Variants in FAM186A observed in about 807,000 individuals in gnomAD.
FAM186A encodes protein FAM186A.
Under a neutral mutation model 216.8 loss-of-function variants are expected in FAM186A, and 163 were observed. The ratio of observed to expected loss-of-function variants is 0.75; its 90% CI spans 0.66 to 0.86. The LOEUF (loss-of-function observed/expected upper bound fraction) is 0.86, where lower values mean the gene tolerates loss of function less well. Ranked by LOEUF, FAM186A falls within the 40% of genes least tolerant of loss-of-function variation. The pLI is 0.00. For synonymous variants in FAM186A, 805 were observed against 1,025.3 expected (o/e 0.79, Z 4.10); for missense variants, 2,184 against 2,746.2 (o/e 0.80, Z 4.58).
Position 50,351,727 on chromosome 12 carries a change from G to T in FAM186A, c.5105C>A (p.Pro1702His). ...CCACTGGACTTGCTTAAGGGTGAGGGGCGATCCCAAGGTATGGGCTTTATC... is the reference window on the plus strand; with the variant it reads ...CCACTGGACTTGCTTAAGGGTGAGGTGCGATCCCAAGGTATGGGCTTTATC... ...TLDKAHTLGS[P>H]LTLKQVQWSH... The change falls in exon 4 of 8, where the codon CCC (proline) becomes CAC (histidine). Residue 1702 changes from proline (P) to histidine (H), a missense_variant. Coordinates refer to ENST00000327337, the MANE Select transcript of FAM186A (RefSeq NM_001145475.3). 1 of 1,551,484 alleles carries T rather than the reference G, an allele frequency of 6.4e-7. No individual in the cohort carries two copies. Among genetic ancestry groups the T allele is most frequent in the South Asian group, 1.2e-5 (1 of 84,062 alleles).
chr12:50,346,723 T>C (rs1030870234), intron 4 of FAM186A, among the ~76,000 whole-genome samples: 1 of 151,958 alleles, frequency 6.6e-6, no homozygotes, highest in Admixed American at 6.6e-5. Flanking sequence ...GGTGGGCGCC[T>C]GTAGTCCCAG....
At position 50,333,952 on chromosome 12, in the gene FAM186A, GTT is replaced by G. The variant is rs1942681143; in HGVS notation, c.6653_6654del (p.Lys2218ThrfsTer20). The part of the protein sequence containing the change: ...WTEKQKSLGQ[K>X]RNQCLKKMIH... ...ATCATTTTCTTCAGGCACTGATTCC[GTT>G]TCTGCCCTAGAGACTTCTGCTTCTC... is the stretch of plus-strand genomic sequence containing the variant. On this transcript the variant is annotated frameshift_variant, in exon 5 of 8. Transcript: ENST00000327337. LOFTEE classifies it high-confidence loss of function. The G allele has an allele frequency of 3.2e-6, 5 of 1,551,282 alleles. No homozygotes were observed. The highest frequency in any genetic ancestry group is 4.4e-6 in the Non-Finnish European group (5 of 1,146,940).
chr12:50,372,782 A>C (rs1002336153), intron 1 of FAM186A, among the ~76,000 whole-genome samples: 1 of 150,702 alleles, frequency 6.6e-6, no homozygotes, highest in African/African-American at 2.4e-5. Flanking sequence ...GGTGACTGTA[A>C]TCCCAGGTAC....
At chr12:50,358,650 C>G (rs748267571) in intron 3 of FAM186A, among the ~76,000 whole-genome samples, 2 of 151,130 alleles carry the variant, frequency 1.3e-5, no homozygotes, top group East Asian at 2.0e-4. Context: ...CTCGGCCAGG[C>G]GCAGTGGCTC....
chr12:50,329,768 G>T (rs1033456737), intron 7 of FAM186A, among the ~76,000 whole-genome samples: 1 of 151,898 alleles, frequency 6.6e-6, no homozygotes, highest in Non-Finnish European at 1.5e-5. Flanking sequence ...AGCTAATGTT[G>T]TATTTTTAGT....
intron 1 of FAM186A, among the ~76,000 whole-genome samples, chr12:50,378,088 G>GAT (rs1466459903): frequency 1.3e-5 from 2 of 151,908 alleles, no homozygotes; most frequent in African/African-American, 2.4e-5. Flanking sequence ...AGCCGGCGTG[G>GAT]TGGCCACATG....
chr12:50,385,131 A>G (rs993261375), intron 1 of FAM186A, among the ~76,000 whole-genome samples: 4 of 149,446 alleles, frequency 2.7e-5, no homozygotes, highest in African/African-American at 9.8e-5. Flanking sequence ...ATAAAATGTG[A>G]AATTATGGCC....
At chr12:50,361,019 G>A in intron 2 of FAM186A, 93 bp from the exon 3 acceptor site, 3 of 885,158 alleles carry the variant, frequency 3.4e-6, no homozygotes, top group East Asian at 2.8e-5. Context: ...ACTCAATACA[G>A]TAATATTGGG....
At position 50,396,379 on chromosome 12, in the gene FAM186A, A is replaced by G. The variant is rs560883723; in HGVS notation, c.106T>C (p.Leu36=). The G allele has an allele frequency of 4.5e-6, 7 of 1,551,676 alleles. No homozygotes were observed. The highest frequency in any genetic ancestry group is 2.4e-5 in the East Asian group (1 of 40,918). ...RREPQNILSP[L]MLPNLEIPFS... is the part of the protein sequence containing the mutation. Reference sequence around the variant, plus strand: ...GGGATCTCAAGGTTAGGGAGCATCAAAGGACTAAGGATATTTTGGGGCTCT... The same window carrying G: ...GGGATCTCAAGGTTAGGGAGCATCAGAGGACTAAGGATATTTTGGGGCTCT... Residue 36 remains leucine (L), a synonymous_variant, in exon 1 of 8, where the codon TTG becomes CTG. Transcript: ENST00000327337.
intron 4 of FAM186A, among the ~76,000 whole-genome samples, chr12:50,343,901 G>C (rs1047993201): frequency 7.4e-5 from 11 of 149,504 alleles, no homozygotes; most frequent in Non-Finnish European, 1.3e-4. Flanking sequence ...TTATAGGTGT[G>C]AGCCACCACA....
chr12:50,333,732 C>G (rs1486413747), intron 5 of FAM186A, among the ~76,000 whole-genome samples, 179 bp downstream of exon 5: 1 of 152,056 alleles, frequency 6.6e-6, no homozygotes, highest in Admixed American at 6.6e-5. Flanking sequence ...TAACTTCTGG[C>G]CTCTAGAACT....
At chr12:50,344,674 C>T (rs1483771140) in intron 4 of FAM186A, among the ~76,000 whole-genome samples, 3 of 152,014 alleles carry the variant, frequency 2.0e-5, no homozygotes, top group South Asian at 2.1e-4. Context: ...TTAAGTTCTT[C>T]GAGAAATCTC....
intron 1 of FAM186A, among the ~76,000 whole-genome samples, chr12:50,367,062 T>G (rs970663548): frequency 7.2e-5 from 11 of 151,794 alleles, no homozygotes; most frequent in Non-Finnish European, 1.6e-4. Flanking sequence ...AGAAGAAAAC[T>G]TCTTCAACAT....
chr12:50,332,419 GT>G (rs780246177), intron 5 of FAM186A, among the ~76,000 whole-genome samples: 2 of 152,342 alleles, frequency 1.3e-5, no homozygotes, highest in Non-Finnish European at 2.9e-5. Flanking sequence ...AGACAATCTG[GT>G]AGCGGAGCTA....
chr12:50,394,285 G>A (rs917109241), intron 1 of FAM186A, among the ~76,000 whole-genome samples: 1 of 151,988 alleles, frequency 6.6e-6, no homozygotes, highest in Non-Finnish European at 1.5e-5. Context: ...TGGGCTGGAC[G>A]CAGTGGCTCA....
At chr12:50,394,013 G>C (rs114100130) in intron 1 of FAM186A, among the ~76,000 whole-genome samples, 1,535 of 152,130 alleles carry the variant, frequency 0.01, 22 homozygotes, top group African/African-American at 0.035. Flanking sequence ...CTGCCTTTCG[G>C]GCTCAAGTGA....
At chr12:50,387,338 G>C (rs1323835467) in intron 1 of FAM186A, among the ~76,000 whole-genome samples, 2 of 152,192 alleles carry the variant, frequency 1.3e-5, no homozygotes, top group Non-Finnish European at 2.9e-5. Flanking sequence ...TTGTGGAAGG[G>C]GAATGGAGCT....
At chr12:50,390,244 T>G (rs1411542843) in intron 1 of FAM186A, among the ~76,000 whole-genome samples, 1 of 152,152 alleles carries the variant, frequency 6.6e-6, no homozygotes, top group Non-Finnish European at 1.5e-5. Context: ...GGTCTGATTA[T>G]TTCCTTTTTC....
In FAM186A at chr12:50,379,707, AC is replaced by A. The variant is rs1382099078; in HGVS notation, c.193-16344del. On this transcript the variant is annotated intron_variant, in intron 1 of 7. Transcript: ENST00000327337. Reference sequence around the variant, plus strand: ...AGGCTGAGGCAGGAGAATCGCTTGAACCCGGGAGGCAGAGGTTGCAGTGAGC... The same window carrying A: ...AGGCTGAGGCAGGAGAATCGCTTGAACCGGGAGGCAGAGGTTGCAGTGAGC... Among the ~76,000 whole-genome samples, 3 of 151,258 alleles carry A rather than the reference AC, an allele frequency of 2.0e-5. No homozygotes were observed. In the East Asian group the frequency reaches 5.8e-4, roughly 29 times the overall value.
Sources: allele counts gnomAD v4.1 joint callset (sites outside exome capture counted in the v4.1 genomes callset), GRCh38; gene constraint gnomAD v4.1.1; transcripts MANE v1.5; gene names NCBI Gene and HGNC (gene_info 2026-07-23, HGNC 2026-07-21).